The following ENOX1 variants were observed in gnomAD, a reference collection of about 807,000 sequenced individuals.
ENOX1 encodes the protein candidate growth-related and time keeping constitutive hydroquinone (NADH) oxidase.
In ENOX1, 42 loss-of-function variants were observed where a neutral mutation model predicts 82.5. That is an observed-to-expected ratio of 0.51 (90% CI 0.40 to 0.66). The LOEUF (loss-of-function observed/expected upper bound fraction) is 0.66, where lower values mean the gene tolerates loss of function less well. Ranked by LOEUF, ENOX1 falls within the 30% of genes least tolerant of loss-of-function variation. The pLI is 0.00. For missense variants in ENOX1, 608 were observed against 811.6 expected (o/e 0.75, Z 3.05); for synonymous variants, 271 against 282.2 (o/e 0.96, Z 0.40).
Position 43,314,471 on chromosome 13 carries a change from G to A in ENOX1, c.1261+7913C>T, listed in dbSNP as rs563655196. Among the ~76,000 whole-genome samples, 105 of 152,222 alleles carry A rather than the reference G, an allele frequency of 6.9e-4. 1 individual carries two copies. The highest frequency in any genetic ancestry group is 1.2e-3 in the Non-Finnish European group (84 of 68,018). On this transcript the variant is annotated intron_variant, in intron 11 of 16. Coordinates refer to ENST00000690772, the MANE Select transcript of ENOX1 (RefSeq NM_001347969.2). ...GTATCCCTAGCATCTTCAAGTCTTC[G>A]ATTAACGAAGCTCATGTGCAACAGT...
chr13:43,550,964 T>C (rs1025146567), intron 2 of ENOX1, among the ~76,000 whole-genome samples: 2 of 152,176 alleles, frequency 1.3e-5, no homozygotes, highest in Non-Finnish European at 2.9e-5. Context: ...AAGTAACCCA[T>C]ATTTAGAGAG....
At position 43,763,080 on chromosome 13, in the gene ENOX1, A is replaced by C. The variant is rs546860308; in HGVS notation, c.-285+23572T>G. Among the ~76,000 whole-genome samples the C allele has an allele frequency of 2.6e-5, 4 of 152,352 alleles. No individual in the cohort carries two copies. The South Asian group carries it at 8.3e-4, about 32-fold the overall frequency. On this transcript the variant is annotated intron_variant, in intron 1 of 16. Coordinates refer to ENST00000690772, the MANE Select transcript of ENOX1 (RefSeq NM_001347969.2). ...AAAATCTTAGAAAATAATTTTATTC[A>C]ACCTTCTTACTTTTCATCCGAGGGA...
At chr13:43,487,007 T>C (rs1392645261) in intron 2 of ENOX1, among the ~76,000 whole-genome samples, 5 of 152,066 alleles carry the variant, frequency 3.3e-5, no homozygotes, top group African/African-American at 4.8e-5. Context: ...ACCCCGTCTC[T>C]ACTAAATACA....
At chr13:43,513,958 T>A (rs1002026233) in intron 2 of ENOX1, among the ~76,000 whole-genome samples, 1 of 152,306 alleles carries the variant, frequency 6.6e-6, no homozygotes, top group East Asian at 1.9e-4. Context: ...GTGAAATGTA[T>A]ATATTAATGC....
At chr13:43,482,245 C>T (rs926716121) in intron 3 of ENOX1, among the ~76,000 whole-genome samples, 2 of 152,114 alleles carry the variant, frequency 1.3e-5, no homozygotes, top group Admixed American at 6.6e-5. Context: ...AACCTAAATG[C>T]CCACTGACAA....
At chr13:43,744,447 A>C (rs1454718799) in intron 1 of ENOX1, among the ~76,000 whole-genome samples, 1 of 152,186 alleles carries the variant, frequency 6.6e-6, no homozygotes, top group Non-Finnish European at 1.5e-5. Context: ...AGGATCTCCA[A>C]GACACACAAA....
intron 11 of ENOX1, among the ~76,000 whole-genome samples, chr13:43,300,737 G>A (rs2046525375): frequency 6.6e-6 from 1 of 152,210 alleles, no homozygotes; most frequent in South Asian, 2.1e-4. Context: ...AGGACATGAT[G>A]AAATTGGGAT....
intron 2 of ENOX1, among the ~76,000 whole-genome samples, chr13:43,510,823 G>A (rs1474552583): frequency 6.6e-6 from 1 of 151,988 alleles, no homozygotes; most frequent in African/African-American, 2.4e-5. Context: ...TAACTTATAG[G>A]GTTGTGATAA....
chr13:43,551,038 G>A (rs1351867539), intron 2 of ENOX1, among the ~76,000 whole-genome samples: 2 of 152,078 alleles, frequency 1.3e-5, no homozygotes, highest in African/African-American at 2.4e-5. Flanking sequence ...ATATCCAAGA[G>A]ACAAGTATTT....
At chr13:43,224,680 C>T (rs1029730881) in intron 15 of ENOX1, among the ~76,000 whole-genome samples, 5 of 152,290 alleles carry the variant, frequency 3.3e-5, no homozygotes, top group East Asian at 1.9e-4. Flanking sequence ...CTCTGGTTGT[C>T]GCTCTTGTTT....
chr13:43,388,029 G>A (rs2052538335), intron 5 of ENOX1, among the ~76,000 whole-genome samples: 1 of 152,112 alleles, frequency 6.6e-6, no homozygotes, highest in African/African-American at 2.4e-5. Context: ...GAAACCGGAG[G>A]TTACTAATAA....
intron 1 of ENOX1, among the ~76,000 whole-genome samples, chr13:43,705,070 G>C (rs1566799641): frequency 6.6e-6 from 1 of 151,148 alleles, no homozygotes; most frequent in Non-Finnish European, 1.5e-5. Context: ...AGACTACAGA[G>C]GATATAAAAC....
Position 43,534,811 on chromosome 13 carries a change from G to T in ENOX1, c.-218-50659C>A, listed in dbSNP as rs1010945904. 3.9e-5 allele frequency among the ~76,000 whole-genome samples: 6 copies of T among 152,268 alleles called. No individual in the cohort carries two copies. In the South Asian group the frequency reaches 1.2e-3, roughly 32 times the overall value. On this transcript the variant is annotated intron_variant, in intron 2 of 16. Transcript: ENST00000690772. ...AGCAACTAGTAAGCAGAAGTTAGGG[G>T]TGCTGCTAAATACCCACAATGCTCA... is the stretch of plus-strand genomic sequence containing the variant.
intron 2 of ENOX1, among the ~76,000 whole-genome samples, chr13:43,548,784 C>T (rs2079072011): frequency 6.6e-6 from 1 of 152,158 alleles, no homozygotes; most frequent in African/African-American, 2.4e-5. Context: ...GGAATACAGG[C>T]TGACAGATAT....
chr13:43,601,447 A>T (rs978292653), intron 2 of ENOX1, among the ~76,000 whole-genome samples: 17 of 151,854 alleles, frequency 1.1e-4, no homozygotes, highest in African/African-American at 3.9e-4. Flanking sequence ...AGCAGAAGAA[A>T]GAATTAGTGA....
chr13:43,735,132 G>A (rs867405192), intron 1 of ENOX1, among the ~76,000 whole-genome samples: 1 of 152,122 alleles, frequency 6.6e-6, no homozygotes, highest in African/African-American at 2.4e-5. Flanking sequence ...TCATTTTAAA[G>A]TGGAAAATGA....
intron 2 of ENOX1, among the ~76,000 whole-genome samples, chr13:43,565,558 AGG>A (rs1358250108): frequency 6.6e-6 from 1 of 152,166 alleles, no homozygotes; most frequent in Non-Finnish European, 1.5e-5. Flanking sequence ...AAGGATAACC[AGG>A]GTGGTCACAG....
At chr13:43,259,393 G>A (rs371878759) in intron 14 of ENOX1, among the ~76,000 whole-genome samples, 6 of 152,360 alleles carry the variant, frequency 3.9e-5, no homozygotes, top group Admixed American at 2.0e-4. Context: ...AACATATGGA[G>A]CAGGATGCAA....
chr13:43,372,448 G>A (rs115336963), intron 5 of ENOX1, among the ~76,000 whole-genome samples: 185 of 152,282 alleles, frequency 1.2e-3, no homozygotes, highest in African/African-American at 3.9e-3. Flanking sequence ...GGATAACACA[G>A]AGGGGCAGTA....
Sources: gnomAD v4.1 joint callset for allele counts (sites outside exome capture counted in the v4.1 genomes callset) on GRCh38, gnomAD v4.1.1 for gene constraint, MANE v1.5 for transcripts, NCBI Gene and HGNC (gene_info 2026-07-23, HGNC 2026-07-21) for gene names.